C20orf203: variants seen among roughly 807,000 people sequenced by gnomAD.
C20orf203 encodes uncharacterized protein C20orf203.
In C20orf203, 16 loss-of-function variants were observed where a neutral mutation model predicts 15.9. That is an observed-to-expected ratio of 1.01 (90% confidence interval 0.68 to 1.53). The LOEUF is 1.53. Ranked by LOEUF, C20orf203 falls within the 40% of genes most tolerant of loss-of-function variation. The pLI is 0.00. For synonymous variants in C20orf203, 98 were observed against 97.2 expected (o/e 1.01, Z -0.05); for missense variants, 263 against 247.5 (o/e 1.06, Z -0.42).
intron 1 of C20orf203, among the ~76,000 whole-genome samples, chr20:32,660,874 G>C (rs1357093869): frequency 8.2e-6 from 1 of 121,588 alleles, no homozygotes; most frequent in Non-Finnish European, 1.9e-5. Flanking sequence ...CAAGCAAAGC[G>C]GGGAAAGCCC....
At position 32,651,009 on chromosome 20, in the gene C20orf203, A is replaced by G. The variant is rs770623459; in HGVS notation, c.135+9T>C. 6.8e-7 allele frequency: 1 copy of G among 1,478,496 alleles called. No homozygotes were observed. The highest frequency in any genetic ancestry group is 1.4e-5 in the African/African-American group (1 of 70,554). 91.6% of individuals were successfully genotyped at this position (1,478,496 alleles called of 1,614,324 possible). On this transcript the variant is annotated intron_variant, in intron 3 of 5. Transcript: ENST00000608990. The stretch of plus-strand genomic sequence containing the variant: ...CCCAGGTGTGGGAGACAGGGACAGC[A>G]CTTCTTACCCGGCTCAGCATTCCAG...
In C20orf203 at chr20:32,632,464, A is replaced by C; in HGVS notation, c.*3106T>G. Reference sequence around the variant, plus strand: ...AACAAGTCTTTTCTCCTCAGCCCCCAGTCCCCGCCCGGGAGAACCCATGTG... The same window carrying C: ...AACAAGTCTTTTCTCCTCAGCCCCCCGTCCCCGCCCGGGAGAACCCATGTG... On this transcript the variant is annotated 3_prime_UTR_variant, in exon 6 of 6. Coordinates refer to ENST00000608990, the MANE Select transcript of C20orf203 (RefSeq NM_182584.4). The C allele has an allele frequency of 6.6e-6, 1 of 152,238 alleles. No individual in the cohort carries two copies. The highest frequency in any genetic ancestry group is 1.9e-4 in the East Asian group (1 of 5,192). 9.4% of individuals were successfully genotyped at this position (152,238 alleles called of 1,614,324 possible). A position where few individuals can be genotyped will look rare whatever the true frequency, so the allele number is the denominator to read the frequency against.
rs1186513496 is a variant in C20orf203, at chr20:32,631,778, C to T, written c.*3792G>A. ...CTGGGAGCCTGAAGCAGGGCTCAGT[C>T]TGGGCGCTCATAAGAGGCAGGGTCT... On this transcript the variant is annotated 3_prime_UTR_variant, in exon 6 of 6. Transcript: ENST00000608990. 1 of 152,228 alleles carries T rather than the reference C, an allele frequency of 6.6e-6. No individual in the cohort carries two copies. Among genetic ancestry groups the T allele is most frequent in the African/African-American group, 2.4e-5 (1 of 41,462 alleles). 9.4% of individuals were successfully genotyped at this position (152,228 alleles called of 1,614,324 possible).
chr20:32,653,650 C>A (rs1982692385), intron 1 of C20orf203, among the ~76,000 whole-genome samples: 1 of 152,144 alleles, frequency 6.6e-6, no homozygotes, highest in African/African-American at 2.4e-5. Context: ...AGACCAGGAA[C>A]AAGACAAGGA....
chr20:32,672,374 A>T (rs553602326), intron 1 of C20orf203, among the ~76,000 whole-genome samples: 2 of 152,096 alleles, frequency 1.3e-5, no homozygotes, highest in South Asian at 4.2e-4. Context: ...ATACACACAC[A>T]TAAAATATAT....
At chr20:32,638,226 T>C (rs1982190940) in intron 5 of C20orf203, among the ~76,000 whole-genome samples, 1 of 152,150 alleles carries the variant, frequency 6.6e-6, no homozygotes. Context: ...GGCCAACATA[T>C]ATTGAACACT....
intron 4 of C20orf203, among the ~76,000 whole-genome samples, chr20:32,647,671 C>T (rs1170903057): frequency 6.6e-6 from 1 of 152,174 alleles, no homozygotes; most frequent in African/African-American, 2.4e-5. Flanking sequence ...TGCCACTGCA[C>T]TCCAGCCTGG....
chr20:32,648,607 A>ATGTTTTTT (rs58582539), intron 4 of C20orf203, among the ~76,000 whole-genome samples: 8 of 125,896 alleles, frequency 6.4e-5, no homozygotes, highest in Non-Finnish European at 1.0e-4. Flanking sequence ...AATCTGGCTA[A>ATGTTTTTT]TTTTTTTTTT....
chr20:32,661,771 G>T (rs1180071145), intron 1 of C20orf203, among the ~76,000 whole-genome samples: 7 of 152,138 alleles, frequency 4.6e-5, no homozygotes, highest in African/African-American at 1.7e-4. Flanking sequence ...GATCCATGGG[G>T]TTGGAGACCC....
chr20:32,643,008 G>A (rs1223349858), intron 4 of C20orf203, among the ~76,000 whole-genome samples: 1 of 152,122 alleles, frequency 6.6e-6, no homozygotes, highest in Non-Finnish European at 1.5e-5. Flanking sequence ...TCACCCACAG[G>A]GCATCCCCAG....
At chr20:32,639,646 G>C (rs965735573) in intron 5 of C20orf203, among the ~76,000 whole-genome samples, 23 of 126,574 alleles carry the variant, frequency 1.8e-4, no homozygotes, top group African/African-American at 6.4e-4. Context: ...AAAAAAAAAA[G>C]TCACCGTGAG....
At chr20:32,671,700 G>T (rs545171302) in intron 1 of C20orf203, among the ~76,000 whole-genome samples, 98 of 152,028 alleles carry the variant, frequency 6.4e-4, no homozygotes, top group Middle Eastern at 3.4e-3. Context: ...TTAGCCGGGC[G>T]TGGTGGCGCA....
intron 1 of C20orf203, among the ~76,000 whole-genome samples, chr20:32,672,297 C>G (rs1186301583): frequency 6.6e-6 from 1 of 151,826 alleles, no homozygotes; most frequent in Non-Finnish European, 1.5e-5. Flanking sequence ...CGAGATCCCA[C>G]CACTGCACAC....
chr20:32,643,540 C>T (rs1182135603), intron 4 of C20orf203, among the ~76,000 whole-genome samples: 3 of 151,910 alleles, frequency 2.0e-5, no homozygotes, highest in Admixed American at 6.6e-5. Context: ...GGACTTCTAA[C>T]TCACGGGATG....
chr20:32,662,232 A>G (rs149030114), intron 1 of C20orf203, among the ~76,000 whole-genome samples: 95 of 152,312 alleles, frequency 6.2e-4, no homozygotes, highest in Middle Eastern at 3.4e-3. Flanking sequence ...CTTGTTCTAA[A>G]TGCTAAACCT....
At chr20:32,643,789 G>C (rs1424641924) in intron 4 of C20orf203, among the ~76,000 whole-genome samples, 1 of 152,190 alleles carries the variant, frequency 6.6e-6, no homozygotes, top group Admixed American at 6.5e-5. Flanking sequence ...CATCCTCCTA[G>C]AAAACAATGA....
At chr20:32,637,451 G>A (rs1360874500) in intron 5 of C20orf203, among the ~76,000 whole-genome samples, 1 of 152,086 alleles carries the variant, frequency 6.6e-6, no homozygotes, top group African/African-American at 2.4e-5. Context: ...AGAAACGAAT[G>A]AGTAGACAAC....
intron 1 of C20orf203, among the ~76,000 whole-genome samples, chr20:32,671,247 A>G (rs1983158953): frequency 6.6e-6 from 1 of 152,244 alleles, no homozygotes; most frequent in Non-Finnish European, 1.5e-5. Context: ...TGATTGCATC[A>G]TTATTCACAA....
chr20:32,672,800 C>T (rs1005420901), intron 1 of C20orf203, among the ~76,000 whole-genome samples: 1 of 152,234 alleles, frequency 6.6e-6, no homozygotes, highest in Admixed American at 6.5e-5. Context: ...CAGAAAAGTG[C>T]TTCTCTCCCT....
Sources: gnomAD v4.1 joint callset for allele counts (sites outside exome capture counted in the v4.1 genomes callset) on GRCh38, gnomAD v4.1.1 for gene constraint, MANE v1.5 for transcripts, NCBI Gene and HGNC (gene_info 2026-07-23, HGNC 2026-07-21) for gene names.